LTBP1: variants seen among roughly 807,000 people sequenced by gnomAD.
LTBP1 encodes the protein latent transforming growth factor beta binding protein 1, also known as latent-transforming growth factor beta-binding protein 1.
A neutral mutation model predicts 207.6 loss-of-function variants in LTBP1; 129 were observed. The ratio of observed to expected loss-of-function variants is 0.62; its 90% CI spans 0.54 to 0.72. The LOEUF is 0.72. LTBP1 is among the 30% of genes least tolerant of loss of function. The probability of loss-of-function intolerance (pLI) is 0.00; values close to 1 mark genes in which losing one functional copy is unlikely to be tolerated. For synonymous variants in LTBP1, 963 were observed against 833.7 expected, an observed-to-expected ratio of 1.16 and a Z score of -2.67; for missense variants, 2,281 against 2,217.2, an observed-to-expected ratio of 1.03 and a Z score of -0.58.
In LTBP1 at chr2:33,251,664, C is replaced by CAA. The variant is rs537403994; in HGVS notation, c.2000-991_2000-990dup. 4.6e-3 allele frequency among the ~76,000 whole-genome samples: 300 copies of CAA among 65,006 alleles called. 2 individuals carry two copies. The highest frequency in any genetic ancestry group is 0.012 in the South Asian group (20 of 1,648). 42.6% of individuals were successfully genotyped at this position (65,006 alleles called of 152,430 possible). A position where few individuals can be genotyped will look rare whatever the true frequency, so the allele number is the denominator to read the frequency against. The stretch of plus-strand genomic sequence containing the variant: ...TCGGCAACAGAGTGAGACTCAGTCT[C>CAA]AAAAAAAAAAAAAAAAAAAAAAAGA... On this transcript the variant is annotated intron_variant, in intron 10 of 33. Transcript: ENST00000404816.
At chr2:33,204,542 T>C (rs1284286655) in intron 7 of LTBP1, among the ~76,000 whole-genome samples, 1 of 152,150 alleles carries the variant, frequency 6.6e-6, no homozygotes, top group Non-Finnish European at 1.5e-5. Flanking sequence ...AATATGGTCT[T>C]AACATTCTGT....
chr2:33,179,516 T>C (rs1258625845), intron 5 of LTBP1, among the ~76,000 whole-genome samples: 1 of 152,164 alleles, frequency 6.6e-6, no homozygotes, highest in Non-Finnish European at 1.5e-5. Flanking sequence ...TTAACTTTTT[T>C]AAAGCATTTT....
At chr2:33,082,376 G>T (rs945778949) in intron 3 of LTBP1, among the ~76,000 whole-genome samples, 1 of 150,802 alleles carries the variant, frequency 6.6e-6, no homozygotes, top group African/African-American at 2.5e-5. Flanking sequence ...AGGACAGGTA[G>T]CATAGTGGGG....
At chr2:33,376,311 A>C (rs1211539784) in intron 31 of LTBP1, among the ~76,000 whole-genome samples, 2 of 152,238 alleles carry the variant, frequency 1.3e-5, no homozygotes, top group Non-Finnish European at 2.9e-5. Context: ...TGATTCTCTT[A>C]GGCACTAACA....
chr2:33,149,147 G>A (rs1200459410), intron 5 of LTBP1, among the ~76,000 whole-genome samples: 3 of 150,658 alleles, frequency 2.0e-5, no homozygotes, highest in South Asian at 2.1e-4. Flanking sequence ...CCCGGGAGGC[G>A]GAGCTTGCAG....
chr2:33,349,659 C>T (rs531087566), intron 26 of LTBP1, among the ~76,000 whole-genome samples: 58 of 152,232 alleles, frequency 3.8e-4, no homozygotes, highest in African/African-American at 1.4e-3. Flanking sequence ...TACAGTTTTT[C>T]TCAATTTTTT....
chr2:33,089,646 A>G (rs775537642), intron 3 of LTBP1, among the ~76,000 whole-genome samples: 1 of 152,248 alleles, frequency 6.6e-6, no homozygotes, highest in African/African-American at 2.4e-5. Flanking sequence ...TTGTGTCATT[A>G]TACACATCTC....
At chr2:33,345,106 A>C (rs1172456147) in intron 25 of LTBP1, among the ~76,000 whole-genome samples, 1 of 152,226 alleles carries the variant, frequency 6.6e-6, no homozygotes, top group African/African-American at 2.4e-5. Context: ...CGCACTTCAC[A>C]CTGGGTGTTC....
At chr2:33,382,351 T>A (rs1574097752) in intron 31 of LTBP1, among the ~76,000 whole-genome samples, 1 of 152,100 alleles carries the variant, frequency 6.6e-6, no homozygotes, top group African/African-American at 2.4e-5. Context: ...CGCCTCGGGC[T>A]CCCAAAGTGC....
intron 8 of LTBP1, among the ~76,000 whole-genome samples, chr2:33,221,729 C>A (rs913964945): frequency 5.3e-5 from 8 of 152,080 alleles, no homozygotes; most frequent in African/African-American, 1.9e-4. Flanking sequence ...ACCCTACCTA[C>A]AATGGATAAG....
chr2:32,983,406 G>A (rs578105380), intron 2 of LTBP1, among the ~76,000 whole-genome samples: 1 of 152,240 alleles, frequency 6.6e-6, no homozygotes, highest in African/African-American at 2.4e-5. Flanking sequence ...ATGAGACTTT[G>A]GACTGTGGAC....
intron 3 of LTBP1, among the ~76,000 whole-genome samples, chr2:33,057,639 A>G (rs887999795): frequency 6.6e-6 from 1 of 152,176 alleles, no homozygotes; most frequent in Non-Finnish European, 1.5e-5. Context: ...CTGCTGGGGG[A>G]CCTGGCGCAC....
At chr2:33,392,625 A>G (rs546678070) in intron 32 of LTBP1, among the ~76,000 whole-genome samples, 1 of 152,360 alleles carries the variant, frequency 6.6e-6, no homozygotes, top group Admixed American at 6.5e-5. Flanking sequence ...AATAGGTAGC[A>G]GGCCAGATTT....
chr2:33,005,673 G>A (rs146150242), intron 2 of LTBP1, among the ~76,000 whole-genome samples: 1,637 of 145,282 alleles, frequency 0.011, 35 homozygotes, highest in African/African-American at 0.04. Context: ...TGCAACCTCC[G>A]CTTCCCAGGC....
chr2:32,982,221 T>G (rs1009929949), intron 2 of LTBP1, among the ~76,000 whole-genome samples: 1 of 152,184 alleles, frequency 6.6e-6, no homozygotes. Context: ...AAGGTGATTC[T>G]TGTTACACTT....
At chr2:33,144,302 A>C (rs1250333387) in intron 5 of LTBP1, among the ~76,000 whole-genome samples, 1 of 152,156 alleles carries the variant, frequency 6.6e-6, no homozygotes, top group Admixed American at 6.5e-5. Flanking sequence ...GTTTACACTT[A>C]AGCTTGCTGT....
intron 26 of LTBP1, among the ~76,000 whole-genome samples, chr2:33,349,189 G>A (rs916067382): frequency 2.6e-5 from 4 of 152,124 alleles, no homozygotes; most frequent in Non-Finnish European, 5.9e-5. Context: ...AGTGGCTCAC[G>A]CCTGTAATCC....
intron 7 of LTBP1, 47 bp downstream of exon 7, chr2:33,188,898 G>T (rs2087514080): frequency 1.3e-6 from 2 of 1,556,508 alleles, no homozygotes; most frequent in Non-Finnish European, 1.7e-6. Flanking sequence ...TACAGATATG[G>T]TATCATTTTA....
At chr2:33,187,275 G>A (rs6707911) in intron 6 of LTBP1, among the ~76,000 whole-genome samples, 195 bp downstream of exon 6, 84,731 of 151,964 alleles carry the variant, frequency 0.56, 23,812 homozygotes, top group Middle Eastern at 0.61. Flanking sequence ...GCCATAGAGA[G>A]TTAGTGTCTA....
Sources: allele counts gnomAD v4.1 joint callset (sites outside exome capture counted in the v4.1 genomes callset), GRCh38; gene constraint gnomAD v4.1.1; transcripts MANE v1.5; gene names NCBI Gene and HGNC (gene_info 2026-07-23, HGNC 2026-07-21).